Variants in DDX3Y observed in about 807,000 individuals in gnomAD.
DDX3Y encodes the protein ATP-dependent RNA helicase DDX3Y.
DDX3Y carries 2 observed loss-of-function variants against 15.1 expected under a neutral mutation model. The ratio of observed to expected loss-of-function variants is 0.13; its 90% CI spans 0.05 to 0.42. DDX3Y has a LOEUF of 0.42. DDX3Y is among the 10% of genes least tolerant of loss of function. DDX3Y has a pLI of 0.99. For missense variants in DDX3Y, 81 were observed against 149.9 expected (o/e 0.54, Z 2.40); for synonymous variants, 47 against 45.0 (o/e 1.04, Z -0.18).
intron 6 of DDX3Y, 62 bp downstream of exon 6, chrY:12,913,124 A>T (rs563610221): frequency 2.1e-3 from 458 of 215,593 alleles, no homozygotes; most frequent in South Asian, 0.018. Flanking sequence ...TGAAAAAAAA[A>T]TTAATGTCAT....
Position 12,918,192 on chromosome Y carries a change from A to G in DDX3Y, c.*70A>G, listed in dbSNP as rs2053656889. 4 of 206,190 alleles carry G rather than the reference A, an allele frequency of 1.9e-5. No homozygotes were observed. The highest frequency in any genetic ancestry group is 8.2e-5 in the African/African-American group (1 of 12,211). 51.4% of individuals were successfully genotyped at this position (206,190 alleles called of 400,897 possible). A position where few individuals can be genotyped will look rare whatever the true frequency, so the allele number is the denominator to read the frequency against. On this transcript the variant is annotated 3_prime_UTR_variant, in exon 17 of 17. Coordinates refer to ENST00000336079, the MANE Select transcript of DDX3Y (RefSeq NM_004660.5). ...AAACCACATGTAACTTAGCCAGACT[A>G]TATTGTGTAGCTTCAAGAACTTGCA...
intron 3 of DDX3Y, 119 bp downstream of exon 3, chrY:12,909,526 C>G: frequency 6.4e-6 from 1 of 155,217 alleles, no homozygotes; most frequent in African/African-American, 9.0e-5. Context: ...CTCTTTCAGA[C>G]TGTCTTTAAG....
chrY:12,909,399 C>T lies in DDX3Y; in HGVS notation c.143C>T (p.Ala48Val). ...YIPPHLRNRE[A>V]SKGFHDKDSS... ...CCTCCTCACTTAAGGAACAGAGAAG[C>T]ATCTAAAGGTACGTCTTTAAGGCAA... The change falls in exon 3 of 17, where the codon GCA (alanine) becomes GTA (valine). Residue 48 changes from alanine to valine, a missense_variant. Physicochemically the swap from Ala to Val is moderately conservative, Grantham distance 64. This residue lies in a region of DDX3Y where 29 missense variants were observed against 27.1 expected (regional missense o/e 1.07). Transcript: ENST00000336079. 2.5e-6 allele frequency: 1 copy of T among 394,421 alleles called. No homozygotes were observed. The highest frequency in any genetic ancestry group is 3.6e-6 in the Non-Finnish European group (1 of 281,042).
At chrY:12,913,883 A>G in intron 7 of DDX3Y, 30 bp downstream of exon 7, 1 of 374,964 alleles carries the variant, frequency 2.7e-6, no homozygotes, top group East Asian at 9.5e-5. Context: ...AGTGAAAGTT[A>G]AGAATACCTG....
At chrY:12,914,674 A>T (rs2053640151) in intron 8 of DDX3Y, 25 bp downstream of exon 8, 1 of 355,137 alleles carries the variant, frequency 2.8e-6, no homozygotes, top group Admixed American at 8.2e-5. Context: ...ATAAAATCAG[A>T]CATTTTTGTT....
rs1422394121 is a variant in DDX3Y, at chrY:12,918,487, C to T, written c.*365C>T. 1 of 35,558 alleles carries T rather than the reference C, an allele frequency of 2.8e-5. No homozygotes were observed. The highest frequency in any genetic ancestry group is 6.8e-5 in the Non-Finnish European group (1 of 14,797). The allele number at this position is 35,558 out of a possible 400,897, so 8.9% of individuals were successfully genotyped here. A position where few individuals can be genotyped will look rare whatever the true frequency, so the allele number is the denominator to read the frequency against. The stretch of plus-strand genomic sequence containing the variant: ...TGTCCTGTTGGCTCAGTAATGCTCA[C>T]GATACCAATTGTTTTGACAAAATAA... On this transcript the variant is annotated 3_prime_UTR_variant, in exon 17 of 17. Transcript: ENST00000336079.
intron 3 of DDX3Y, among the ~76,000 whole-genome samples, chrY:12,910,881 T>C (rs2053625317): frequency 3.1e-5 from 1 of 32,244 alleles, no homozygotes; most frequent in Non-Finnish European, 7.6e-5. Flanking sequence ...GTATGAGTAG[T>C]TTTTGGTCAT....
At position 12,920,263 on chromosome Y, in the gene DDX3Y, A is replaced by AT. The variant is rs2053663140; in HGVS notation, c.*2141_*2142insT. 1 of 33,882 alleles carries AT rather than the reference A, an allele frequency of 3.0e-5. No individual in the cohort carries two copies. The highest frequency in any genetic ancestry group is 7.3e-5 in the Non-Finnish European group (1 of 13,636). 8.5% of individuals were successfully genotyped at this position (33,882 alleles called of 400,897 possible). A position where few individuals can be genotyped will look rare whatever the true frequency, so the allele number is the denominator to read the frequency against. ...TTCAGTGATTGTCTGGTATATTTACAGTCCTCAAACATGGTTATTTCTGTC... is the reference window on the plus strand; with the variant it reads ...TTCAGTGATTGTCTGGTATATTTACATGTCCTCAAACATGGTTATTTCTGTC... On this transcript the variant is annotated 3_prime_UTR_variant, in exon 17 of 17. Transcript: ENST00000336079.
chrY:12,907,533 C>A lies in DDX3Y; in HGVS notation c.46-4C>A. On this transcript the variant is annotated splice_region_variant and splice_polypyrimidine_tract_variant and intron_variant, in intron 1 of 16. Transcript: ENST00000336079. ...AGCATGTGAGCTATTGATATCTCTT[C>A]TAGCTTGCTAATCTGGACCTGAACT... The A allele has an allele frequency of 2.5e-5, 9 of 365,921 alleles. No homozygotes were observed. The highest frequency in any genetic ancestry group is 3.0e-5 in the Non-Finnish European group (8 of 262,381). 91.3% of individuals were successfully genotyped at this position (365,921 alleles called of 400,897 possible).
chrY:12,906,972 TATCGA>T, intron 1 of DDX3Y, among the ~76,000 whole-genome samples: 1 of 31,999 alleles, frequency 3.1e-5, no homozygotes, highest in South Asian at 6.9e-4. Flanking sequence ...CTCCATAAAG[TATCGA>T]ACATTAAGTG....
intron 1 of DDX3Y, among the ~76,000 whole-genome samples, chrY:12,906,319 T>C (rs967179206): frequency 5.9e-5 from 2 of 33,743 alleles, no homozygotes; most frequent in Admixed American, 2.7e-4. Flanking sequence ...AATTTTGCTG[T>C]TAGGTGTCGT....
Position 12,907,523 on chromosome Y carries a change from G to C in DDX3Y, c.46-14G>C. ...CTTGTGTATCAGCATGTGAGCTATT[G>C]ATATCTCTTCTAGCTTGCTAATCTG... is the stretch of plus-strand genomic sequence containing the variant. On this transcript the variant is annotated splice_polypyrimidine_tract_variant and intron_variant, in intron 1 of 16. Coordinates refer to ENST00000336079, the MANE Select transcript of DDX3Y (RefSeq NM_004660.5). 2.8e-6 allele frequency: 1 copy of C among 351,448 alleles called. No homozygotes were observed. The highest frequency in any genetic ancestry group is 4.0e-6 in the Non-Finnish European group (1 of 251,524). 87.7% of individuals were successfully genotyped at this position (351,448 alleles called of 400,897 possible).
At chrY:12,911,772 C>T in intron 3 of DDX3Y, 67 bp from the exon 4 acceptor site, 1 of 341,361 alleles carries the variant, frequency 2.9e-6, no homozygotes, top group Non-Finnish European at 4.2e-6. Context: ...TGAAGGACTT[C>T]ATATTTTGAA....
chrY:12,911,980 CT>C lies in DDX3Y; in HGVS notation c.281+14del. The C allele has an allele frequency of 2.8e-6, 1 of 358,682 alleles. No individual in the cohort carries two copies. The highest frequency in any genetic ancestry group is 6.7e-5 in the African/African-American group (1 of 14,991). The allele number at this position is 358,682 out of a possible 400,897, so 89.5% of individuals were successfully genotyped here. A position where few individuals can be genotyped will look rare whatever the true frequency, so the allele number is the denominator to read the frequency against. ...GGATCAAGGGGAAGGTAAATCTCAG[CT>C]TGTGTTTGTATACAGTAGAAATTTA... On this transcript the variant is annotated intron_variant, in intron 4 of 16. Coordinates refer to ENST00000336079, the MANE Select transcript of DDX3Y (RefSeq NM_004660.5).
At chrY:12,907,015 A>G (rs2053613990) in intron 1 of DDX3Y, among the ~76,000 whole-genome samples, 1 of 28,797 alleles carries the variant, frequency 3.5e-5, no homozygotes, top group Non-Finnish European at 7.6e-5. Flanking sequence ...CGTAGTACTC[A>G]AAACATAGTG....
chrY:12,905,374 C>T, intron 1 of DDX3Y, among the ~76,000 whole-genome samples: 1 of 33,791 alleles, frequency 3.0e-5, no homozygotes, highest in Non-Finnish European at 7.4e-5. Context: ...TATCTGGCGC[C>T]CCTGACGTAT....
intron 3 of DDX3Y, 185 bp downstream of exon 3, chrY:12,909,592 GT>G: frequency 9.7e-6 from 1 of 103,219 alleles, no homozygotes; most frequent in Non-Finnish European, 1.8e-5. Flanking sequence ...ATGGATAGTT[GT>G]TTCCTTTGGC....
rs2053633996 is a variant in DDX3Y at position 12,912,882 on chromosome Y, A to G, written c.437A>G (p.Gln146Arg). The G allele has an allele frequency of 2.5e-6, 1 of 396,734 alleles. No individual in the cohort carries two copies. Among genetic ancestry groups the G allele is most frequent in the African/African-American group, 6.4e-5 (1 of 15,683 alleles). ...KPLPPSERLE[Q>R]ELFSGGNTGI... is the part of the protein sequence containing the mutation. ...CTTCCACCAAGTGAACGCTTGGAGCAGTAAGTTTTTGAAATGTATGTTAAT... is the reference window on the plus strand; with the variant it reads ...CTTCCACCAAGTGAACGCTTGGAGCGGTAAGTTTTTGAAATGTATGTTAAT... The change falls in exon 5 of 17, where the codon CAA (glutamine) becomes CGA (arginine). Residue 146 changes from glutamine to arginine, a missense_variant and splice_region_variant. This residue lies in a region of DDX3Y where 52 missense variants were observed against 122.8 expected (regional missense o/e 0.42). Coordinates refer to ENST00000336079, the MANE Select transcript of DDX3Y (RefSeq NM_004660.5).
At chrY:12,905,870 C>A in intron 1 of DDX3Y, 1 of 217,105 alleles carries the variant, frequency 4.6e-6, no homozygotes, top group Non-Finnish European at 7.1e-6. Context: ...ACTGGACAGC[C>A]GCCTAGCCGA....
Sources: allele counts gnomAD v4.1 joint callset (sites outside exome capture counted in the v4.1 genomes callset), GRCh38; gene constraint gnomAD v4.1.1; regional missense constraint gnomAD v4.1.1; transcripts MANE v1.5; gene names NCBI Gene and HGNC (gene_info 2026-07-23, HGNC 2026-07-21).